The following IQCM variants were observed in gnomAD, a reference collection of about 807,000 sequenced individuals.
IQCM encodes IQ domain-containing protein M.
IQCM carries 45 observed loss-of-function variants against 57.6 expected under a neutral mutation model. That is an observed-to-expected ratio of 0.78 (90% CI 0.62 to 1.00). The LOEUF is 1.00. IQCM is among the 50% of genes least tolerant of loss of function. The pLI is 0.00. For missense variants in IQCM, 468 were observed against 511.6 expected (o/e 0.91, Z 0.82); for synonymous variants, 148 against 158.9 (o/e 0.93, Z 0.51).
intron 3 of IQCM, among the ~76,000 whole-genome samples, chr4:149,740,037 T>G (rs1320521653): frequency 6.6e-6 from 1 of 152,196 alleles, no homozygotes; most frequent in Non-Finnish European, 1.5e-5. Flanking sequence ...GTAAGTATTT[T>G]CTGTATCCGA....
chr4:149,741,854 A>C (rs1283195707), intron 3 of IQCM, among the ~76,000 whole-genome samples: 2 of 152,186 alleles, frequency 1.3e-5, no homozygotes, highest in African/African-American at 4.8e-5. Flanking sequence ...GAAGTAATGG[A>C]TATTATAATT....
At chr4:149,621,075 A>G in intron 8 of IQCM, 54 bp downstream of exon 8, 1 of 824,584 alleles carries the variant, frequency 1.2e-6, no homozygotes, top group Non-Finnish European at 1.6e-6. Context: ...TTAATGCAAT[A>G]ATTTACTGGA....
intron 13 of IQCM, among the ~76,000 whole-genome samples, chr4:149,423,580 G>A (rs1734263711): frequency 6.6e-6 from 1 of 152,002 alleles, no homozygotes; most frequent in African/African-American, 2.4e-5. Flanking sequence ...CTTGCAAAGT[G>A]TTTTCTTTAG....
intron 2 of IQCM, among the ~76,000 whole-genome samples, chr4:149,800,834 G>A (rs1384065478): frequency 6.6e-6 from 1 of 151,682 alleles, no homozygotes; most frequent in Non-Finnish European, 1.5e-5. Context: ...GAATTGAAAA[G>A]GACACCAAAA....
intron 12 of IQCM, among the ~76,000 whole-genome samples, chr4:149,498,981 C>CA (rs1410179485): frequency 1.3e-5 from 2 of 151,938 alleles, no homozygotes; most frequent in African/African-American, 2.4e-5. Flanking sequence ...GGTGGTAAAT[C>CA]AAAAAATAAA....
intron 8 of IQCM, among the ~76,000 whole-genome samples, chr4:149,594,055 T>C (rs1226670486): frequency 2.6e-5 from 4 of 152,208 alleles, no homozygotes; most frequent in Non-Finnish European, 5.9e-5. Context: ...CTTGTACCTC[T>C]GGTAGAATTT....
chr4:149,402,148 T>G (rs1402536601), intron 13 of IQCM, among the ~76,000 whole-genome samples: 2 of 151,742 alleles, frequency 1.3e-5, no homozygotes, highest in Non-Finnish European at 3.0e-5. Flanking sequence ...TGAATTCCAT[T>G]AAGGCACAAA....
chr4:149,357,478 C>T (rs1405320628), intron 13 of IQCM, among the ~76,000 whole-genome samples: 1 of 152,098 alleles, frequency 6.6e-6, no homozygotes, highest in Non-Finnish European at 1.5e-5. Flanking sequence ...TTGTCAAAGG[C>T]CTTTTCTGCG....
intron 7 of IQCM, among the ~76,000 whole-genome samples, chr4:149,628,202 A>T (rs906340873): frequency 6.6e-6 from 1 of 152,178 alleles, no homozygotes; most frequent in Non-Finnish European, 1.5e-5. Flanking sequence ...TTAAATCTAA[A>T]AATATTCTGC....
chr4:149,565,859 A>C (rs1750578483), intron 9 of IQCM, among the ~76,000 whole-genome samples: 1 of 152,162 alleles, frequency 6.6e-6, no homozygotes, highest in South Asian at 2.1e-4. Context: ...ATATTCTTAT[A>C]ACTGTAGCTC....
At chr4:149,534,275 T>C (rs1747054306) in intron 12 of IQCM, among the ~76,000 whole-genome samples, 1 of 152,172 alleles carries the variant, frequency 6.6e-6, no homozygotes, top group South Asian at 2.1e-4. Context: ...AAATTGTAGG[T>C]GTACATTCAA....
At chr4:149,447,170 C>A (rs145044466) in intron 12 of IQCM, among the ~76,000 whole-genome samples, 5 of 151,344 alleles carry the variant, frequency 3.3e-5, no homozygotes, top group Non-Finnish European at 7.4e-5. Flanking sequence ...GAATGAACCA[C>A]GTAAGGTAGG....
intron 13 of IQCM, among the ~76,000 whole-genome samples, chr4:149,361,813 C>T (rs905429165): frequency 8.5e-5 from 13 of 152,204 alleles, no homozygotes; most frequent in Admixed American, 6.5e-5. Flanking sequence ...CACAGAGTCC[C>T]TACTGGGGCA....
At chr4:149,394,544 G>A (rs1578908951) in intron 13 of IQCM, among the ~76,000 whole-genome samples, 1 of 152,040 alleles carries the variant, frequency 6.6e-6, no homozygotes, top group African/African-American at 2.4e-5. Flanking sequence ...CCTGCCTATG[G>A]AGAGAGTCCT....
chr4:149,803,549 G>A (rs72963507), intron 2 of IQCM, among the ~76,000 whole-genome samples: 17,777 of 151,944 alleles, frequency 0.12, 1,212 homozygotes, highest in East Asian at 0.18. Context: ...TTCTGGTACA[G>A]TTGAGTCTGA....
intron 7 of IQCM, among the ~76,000 whole-genome samples, chr4:149,664,125 C>T (rs932783639): frequency 6.6e-6 from 1 of 152,036 alleles, no homozygotes; most frequent in African/African-American, 2.4e-5. Flanking sequence ...AATTCTTCAG[C>T]TCTAAGATTT....
chr4:149,424,865 T>C (rs773010690), intron 13 of IQCM, among the ~76,000 whole-genome samples: 2 of 152,034 alleles, frequency 1.3e-5, no homozygotes, highest in Non-Finnish European at 2.9e-5. Flanking sequence ...ATGATTATTA[T>C]ACACACCTCA....
chr4:149,595,871 T>C (rs570765660), intron 8 of IQCM, among the ~76,000 whole-genome samples: 1 of 152,276 alleles, frequency 6.6e-6, no homozygotes, highest in African/African-American at 2.4e-5. Context: ...GTCTTAAGTG[T>C]AGTATTCCCT....
chr4:149,720,683 C>T (rs1342882417), intron 5 of IQCM, among the ~76,000 whole-genome samples: 1 of 152,060 alleles, frequency 6.6e-6, no homozygotes, highest in African/African-American at 2.4e-5. Context: ...AAAGAAAATT[C>T]CTGACAAGAA....
Sources: allele counts gnomAD v4.1 joint callset (sites outside exome capture counted in the v4.1 genomes callset), GRCh38; gene constraint gnomAD v4.1.1; transcripts MANE v1.5; gene names NCBI Gene and HGNC (gene_info 2026-07-23, HGNC 2026-07-21).